Variants in PCED1B observed in about 807,000 individuals in gnomAD.
The protein encoded by PCED1B is PC-esterase domain containing 1B.
For missense variants in PCED1B, 573 were observed against 573.9 expected, an observed-to-expected ratio of 1.00 and a Z score of 0.02; for synonymous variants, 251 against 246.1, an observed-to-expected ratio of 1.02 and a Z score of -0.19.
intron 2 of PCED1B, among the ~76,000 whole-genome samples, chr12:47,194,987 A>C (rs200458096): frequency 8.0e-6 from 1 of 125,504 alleles, no homozygotes; most frequent in African/African-American, 5.1e-5. Flanking sequence ...CTTGTATGAG[A>C]GGGGGGAAGA....
At chr12:47,157,889 T>C (rs1941246317) in intron 2 of PCED1B, among the ~76,000 whole-genome samples, 1 of 152,230 alleles carries the variant, frequency 6.6e-6, no homozygotes, top group African/African-American at 2.4e-5. Context: ...ATAAATGGAA[T>C]CAGTATTTGT....
intron 2 of PCED1B, among the ~76,000 whole-genome samples, chr12:47,140,944 T>C (rs1407554010): frequency 6.6e-6 from 1 of 152,192 alleles, no homozygotes; most frequent in Admixed American, 6.5e-5. Flanking sequence ...CTAGGGATCA[T>C]TTCTAAAACA....
chr12:47,094,994 C>T (rs559420642), intron 1 of PCED1B, among the ~76,000 whole-genome samples: 1 of 151,098 alleles, frequency 6.6e-6, no homozygotes, highest in South Asian at 2.1e-4. Flanking sequence ...GCGGCCTCAA[C>T]CTCCTGGGCT....
intron 2 of PCED1B, among the ~76,000 whole-genome samples, chr12:47,117,015 G>T (rs972787633): frequency 6.6e-6 from 1 of 152,118 alleles, no homozygotes; most frequent in Non-Finnish European, 1.5e-5. Flanking sequence ...GTGCATGCCT[G>T]TAGTCCTAGC....
At chr12:47,149,421 A>C (rs1287876239) in intron 2 of PCED1B, among the ~76,000 whole-genome samples, 4 of 152,134 alleles carry the variant, frequency 2.6e-5, no homozygotes, top group African/African-American at 4.8e-5. Flanking sequence ...ACCTGTTATT[A>C]GTTCCTTATT....
At chr12:47,182,084 A>G (rs1166402826) in intron 2 of PCED1B, among the ~76,000 whole-genome samples, 3 of 152,246 alleles carry the variant, frequency 2.0e-5, no homozygotes, top group Non-Finnish European at 4.4e-5. Flanking sequence ...CCAGTTAGAA[A>G]TCCTAAAACT....
chr12:47,164,478 A>G (rs1383939493), intron 2 of PCED1B, among the ~76,000 whole-genome samples: 2 of 152,260 alleles, frequency 1.3e-5, no homozygotes, highest in Non-Finnish European at 2.9e-5. Context: ...ACACACTGGT[A>G]TGGGGACTGG....
chr12:47,155,954 A>C (rs1182630837), intron 2 of PCED1B, among the ~76,000 whole-genome samples: 1 of 152,166 alleles, frequency 6.6e-6, no homozygotes, highest in Middle Eastern at 3.2e-3. Flanking sequence ...GTGGCTATTC[A>C]TCTCCCCAGA....
chr12:47,217,515 A>C (rs9668606), intron 3 of PCED1B, among the ~76,000 whole-genome samples: 1 of 71,472 alleles, frequency 1.4e-5, no homozygotes, highest in African/African-American at 1.5e-4. Context: ...AAAGAAAGAA[A>C]GAAGAAAGAG....
At chr12:47,139,658 G>A (rs943904402) in intron 2 of PCED1B, among the ~76,000 whole-genome samples, 1 of 152,108 alleles carries the variant, frequency 6.6e-6, no homozygotes, top group African/African-American at 2.4e-5. Context: ...TGTGTGGTAT[G>A]GTATGTGTAG....
chr12:47,202,244 A>C (rs931646003), intron 2 of PCED1B, among the ~76,000 whole-genome samples: 2 of 152,210 alleles, frequency 1.3e-5, no homozygotes, highest in African/African-American at 4.8e-5. Context: ...TTGATATTCA[A>C]TAGAACATTC....
intron 2 of PCED1B, among the ~76,000 whole-genome samples, chr12:47,187,284 G>A (rs926206449): frequency 6.6e-6 from 1 of 152,170 alleles, no homozygotes; most frequent in African/African-American, 2.4e-5. Flanking sequence ...GAGAGACCAT[G>A]GGATCTTACC....
At chr12:47,181,177 G>A (rs374463008) in intron 2 of PCED1B, among the ~76,000 whole-genome samples, 1 of 151,784 alleles carries the variant, frequency 6.6e-6, no homozygotes, top group Non-Finnish European at 1.5e-5. Flanking sequence ...TAGAGATGGG[G>A]TTTCACCATA....
intron 2 of PCED1B, among the ~76,000 whole-genome samples, chr12:47,196,563 C>G (rs1018834503): frequency 6.2e-4 from 95 of 152,382 alleles, no homozygotes; most frequent in African/African-American, 2.2e-3. Flanking sequence ...CACCGTGGCT[C>G]ACGCCTGTAA....
chr12:47,171,212 T>C (rs1050636151), intron 2 of PCED1B, among the ~76,000 whole-genome samples: 1 of 151,770 alleles, frequency 6.6e-6, no homozygotes, highest in Non-Finnish European at 1.5e-5. Flanking sequence ...GGATTACAGG[T>C]ATGCACCACC....
chr12:47,120,426 A>T (rs1212839274), intron 2 of PCED1B, among the ~76,000 whole-genome samples: 1 of 152,246 alleles, frequency 6.6e-6, no homozygotes, highest in Non-Finnish European at 1.5e-5. Context: ...AGGTGGAAAC[A>T]ACTCAAATGT....
At position 47,109,530 on chromosome 12, in the gene PCED1B, G is replaced by T. The variant is rs149494092; in HGVS notation, c.-526+5335G>T. ...GATTTGACATTTTAGGAAGAAAATGGCAAGTTTCTGGAATTTCAGAAATTT... is the reference window on the plus strand; with the variant it reads ...GATTTGACATTTTAGGAAGAAAATGTCAAGTTTCTGGAATTTCAGAAATTT... On this transcript the variant is annotated intron_variant, in intron 2 of 3. Coordinates refer to ENST00000546455, the MANE Select transcript of PCED1B (RefSeq NM_138371.3). 1.8e-3 allele frequency among the ~76,000 whole-genome samples: 267 copies of T among 152,194 alleles called. 8 individuals carry two copies. The East Asian group carries it at 0.041, about 23-fold the overall frequency.
intron 2 of PCED1B, chr12:47,209,542 ACTCT>A (rs1189040590): frequency 2.0e-5 from 3 of 152,102 alleles, no homozygotes; most frequent in African/African-American, 7.2e-5. Flanking sequence ...ATTAAAGTAG[ACTCT>A]CAATAAATGG....
At chr12:47,233,970 G>GT (rs373281086) in intron 3 of PCED1B, among the ~76,000 whole-genome samples, 57 of 151,674 alleles carry the variant, frequency 3.8e-4, no homozygotes, top group Admixed American at 9.2e-4. Flanking sequence ...GTTTTTAGGG[G>GT]TTTTTTTTGT....
Sources: gnomAD v4.1 joint callset for allele counts (sites outside exome capture counted in the v4.1 genomes callset) on GRCh38, gnomAD v4.1.1 for gene constraint, MANE v1.5 for transcripts, NCBI Gene and HGNC (gene_info 2026-07-23, HGNC 2026-07-21) for gene names.